The following R3HDM4 variants were observed in gnomAD, a reference collection of about 807,000 sequenced individuals.
The protein encoded by R3HDM4 is R3H domain-containing protein 4.
A neutral mutation model predicts 31.3 loss-of-function variants in R3HDM4; 30 were observed. The ratio of observed to expected loss-of-function variants is 0.96; its 90% confidence interval spans 0.72 to 1.30. The LOEUF (loss-of-function observed/expected upper bound fraction) is 1.30. R3HDM4 is among the 50% of genes most tolerant of loss of function. The pLI, the probability that R3HDM4 is intolerant of heterozygous loss-of-function variation, is 0.00. For synonymous variants in R3HDM4, 196 were observed against 156.6 expected (o/e 1.25, Z -1.88); for missense variants, 444 against 366.1 (o/e 1.21, Z -1.74).
intron 1 of R3HDM4, among the ~76,000 whole-genome samples, chr19:905,505 C>CAAAAA (rs71335321): frequency 1.7e-4 from 17 of 101,008 alleles, no homozygotes; most frequent in East Asian, 3.0e-4. Flanking sequence ...AACTCTGTCT[C>CAAAAA]AAAAAAAAAA....
At position 899,350 on chromosome 19, in the gene R3HDM4, C is replaced by T; in HGVS notation, c.703+90G>A. On this transcript the variant is annotated intron_variant, in intron 7 of 7. Transcript: ENST00000361574. This position sits in a 1 kb window ranked among gnomAD's most constrained non-coding sequence, Gnocchi z 6.8. ...CCCCTTCCCCACCTCCCCACCAAGC[C>T]CCACTCTGAGGAACCAGGCCCCTGG... is the stretch of plus-strand genomic sequence containing the variant. 7.3e-7 allele frequency: 1 copy of T among 1,375,896 alleles called. No homozygotes were observed. The highest frequency in any genetic ancestry group is 1.0e-6 in the Non-Finnish European group (1 of 968,638). 85.2% of individuals were successfully genotyped at this position (1,375,896 alleles called of 1,614,324 possible).
chr19:907,871 CCAT>C lies in R3HDM4; in HGVS notation c.71+5213_71+5215del, dbSNP rs984857047. Among the ~76,000 whole-genome samples the C allele has an allele frequency of 6.6e-6, 1 of 152,182 alleles. No homozygotes were observed. Among genetic ancestry groups the C allele is most frequent in the African/African-American group, 2.4e-5 (1 of 41,448 alleles). On this transcript the variant is annotated intron_variant, in intron 1 of 7. Coordinates refer to ENST00000361574, the MANE Select transcript of R3HDM4 (RefSeq NM_138774.4). This position sits in a 1 kb window ranked among gnomAD's most constrained non-coding sequence, Gnocchi z 4.1. ...GCTGAGCACTGGAAATCGAGTCCCA[CCAT>C]CAGATGGAGCTGGCTGACTTCAACC...
chr19:897,466 G>T lies in R3HDM4; in HGVS notation c.778C>A (p.Leu260Met). ...HLDFLPPGLL[L>M]SAYLEQHS is the part of the protein sequence containing the mutation. ...CTGTGCTGCTCCAGGTAGGCGGACA[G>T]GAGCAGCCCCGGCGGCAGGAAATCC... Residue 260 changes from leucine (L) to methionine (M), a missense_variant, in exon 8 of 8, where the codon CTG (leucine) becomes ATG (methionine). Coordinates refer to ENST00000361574, the MANE Select transcript of R3HDM4 (RefSeq NM_138774.4). 1 of 1,612,030 alleles carries T rather than the reference G, an allele frequency of 6.2e-7. No homozygotes were observed. The highest frequency in any genetic ancestry group is 8.5e-7 in the Non-Finnish European group (1 of 1,179,476).
At chr19:900,194 CCCTG>C (rs1486298572) in intron 4 of R3HDM4, 48 bp from the exon 5 acceptor site, 1 of 1,454,680 alleles carries the variant, frequency 6.9e-7, no homozygotes, top group Non-Finnish European at 9.2e-7. Flanking sequence ...CTCGTCCTGG[CCCTG>C]CCCACCTGCC....
At chr19:908,554 G>A (rs191811934) in intron 1 of R3HDM4, among the ~76,000 whole-genome samples, 1 of 152,204 alleles carries the variant, frequency 6.6e-6, no homozygotes, top group Non-Finnish European at 1.5e-5. Context: ...AGTCTGCAGT[G>A]AGCCGAGATC....
intron 1 of R3HDM4, chr19:902,630 G>C (rs1385931306): frequency 6.6e-6 from 1 of 151,140 alleles, no homozygotes; most frequent in Non-Finnish European, 1.5e-5. Flanking sequence ...GAGCAAGACT[G>C]TGTCCAAAAA....
Position 900,136 on chromosome 19 carries a change from G to T in R3HDM4, c.486C>A (p.Ala162=). Residue 162 remains alanine (A), a synonymous_variant, in exon 5 of 8, where the codon GCC becomes GCA. Coordinates refer to ENST00000361574, the MANE Select transcript of R3HDM4 (RefSeq NM_138774.4). ...GCTGGAAGCACTCGCGGGGTGTATA[G>T]GCGGGGTCCTCTGCAGGAGTGGGGG... ...RGEDRRREDP[A]YTPRECFQRI... The T allele has an allele frequency of 6.3e-7, 1 of 1,582,738 alleles. No homozygotes were observed. Among genetic ancestry groups the T allele is most frequent in the Non-Finnish European group, 8.6e-7 (1 of 1,165,466 alleles).
intron 1 of R3HDM4, among the ~76,000 whole-genome samples, chr19:905,521 A>AC (rs2036891677): frequency 1.4e-5 from 2 of 146,852 alleles, no homozygotes; most frequent in African/African-American, 5.2e-5. Flanking sequence ...AAAAAAAAAA[A>AC]ACAAAACAAA....
At chr19:902,809 C>T (rs147027781) in intron 1 of R3HDM4, among the ~76,000 whole-genome samples, 35 of 152,136 alleles carry the variant, frequency 2.3e-4, no homozygotes, top group South Asian at 1.0e-3. Context: ...GGCGTGGTGG[C>T]GTGCGCCTGT....
intron 2 of R3HDM4, 106 bp from the exon 3 acceptor site, chr19:901,652 C>G (rs1464321682): frequency 2.8e-6 from 4 of 1,404,972 alleles, no homozygotes; most frequent in Non-Finnish European, 3.8e-6. Flanking sequence ...TCTCAACCTC[C>G]GCACCTCCAT....
In R3HDM4 at chr19:900,923, C is replaced by G. The variant is rs1426896288; in HGVS notation, c.381G>C (p.Gly127=). The G allele has an allele frequency of 6.2e-7, 1 of 1,607,912 alleles. No individual in the cohort carries two copies. Among genetic ancestry groups the G allele is most frequent in the African/African-American group, 1.3e-5 (1 of 74,506 alleles). Residue 127 remains glycine, a synonymous_variant, in exon 4 of 8, where the codon GGG becomes GGC. Transcript: ENST00000361574. ...AGCGAAGAACCCGCTCCTGCTCCTC[C>G]CCGGAGCGGTTCATGAAATCGTTCC... ...EVWNDFMNRS[G]EEQERVLRYL...
chr19:901,155 G>T, intron 3 of R3HDM4: 1 of 712,362 alleles, frequency 1.4e-6, no homozygotes, highest in Non-Finnish European at 2.2e-6. Flanking sequence ...CTGTCTCGGG[G>T]TGGGGGGGAT....
chr19:910,943 C>T lies in R3HDM4; in HGVS notation c.71+2144G>A, dbSNP rs1343928753. On this transcript the variant is annotated intron_variant, in intron 1 of 7. Transcript: ENST00000361574. ...GACCATCCTGGCTCACACGGCAAAA[C>T]CCCCGTCTCTACTAAAAATACAAAA... is the stretch of plus-strand genomic sequence containing the variant. Among the ~76,000 whole-genome samples, 4 of 151,162 alleles carry T rather than the reference C, an allele frequency of 2.6e-5. 1 individual carries two copies. The East Asian group carries it at 7.8e-4, about 29-fold the overall frequency.
intron 1 of R3HDM4, among the ~76,000 whole-genome samples, chr19:909,395 A>AC (rs1164881975): frequency 2.6e-5 from 4 of 151,902 alleles, no homozygotes; most frequent in African/African-American, 4.8e-5. Flanking sequence ...GCAGTCCCCA[A>AC]CCCCCCACCA....
intron 7 of R3HDM4, among the ~76,000 whole-genome samples, chr19:898,424 A>G (rs1483823182): frequency 7.8e-5 from 11 of 140,982 alleles, no homozygotes; most frequent in South Asian, 4.5e-4. Context: ...AAAAAAAAAG[A>G]AACCCGTCTC....
At chr19:898,434 C>G (rs1020295120) in intron 7 of R3HDM4, among the ~76,000 whole-genome samples, 12 of 138,756 alleles carry the variant, frequency 8.6e-5, no homozygotes, top group African/African-American at 3.3e-4. Context: ...AAACCCGTCT[C>G]TACTAAAAAT....
chr19:905,846 G>A (rs369770303), intron 1 of R3HDM4, among the ~76,000 whole-genome samples: 2 of 152,272 alleles, frequency 1.3e-5, no homozygotes, highest in East Asian at 3.9e-4. Context: ...CCCACCAATA[G>A]GGACCTGCAG....
At chr19:903,481 C>G (rs2036863233) in intron 1 of R3HDM4, among the ~76,000 whole-genome samples, 1 of 151,904 alleles carries the variant, frequency 6.6e-6, no homozygotes, top group South Asian at 2.1e-4. Context: ...ACCGCAGCCA[C>G]CGGGCACCCG....
At chr19:898,492 C>T (rs551546018) in intron 7 of R3HDM4, among the ~76,000 whole-genome samples, 91 of 151,196 alleles carry the variant, frequency 6.0e-4, no homozygotes, top group African/African-American at 2.2e-3. Context: ...CCCAGCTACT[C>T]GGGAGGCTGA....
Sources: allele counts gnomAD v4.1 joint callset (sites outside exome capture counted in the v4.1 genomes callset), GRCh38; gene constraint gnomAD v4.1.1; non-coding constraint Gnocchi (gnomAD v3.1); transcripts MANE v1.5; gene names NCBI Gene and HGNC (gene_info 2026-07-23, HGNC 2026-07-21).